DPP8: variants seen among roughly 807,000 people sequenced by gnomAD.
The protein encoded by DPP8 is dipeptidyl peptidase 8.
In DPP8, 31 loss-of-function variants were observed where a neutral mutation model predicts 107.5. The observed-to-expected ratio is 0.29, with a 90% CI of 0.22 to 0.39. The LOEUF is 0.39. DPP8 is among the 10% of genes least tolerant of loss of function. The pLI is 1.00. For missense variants in DPP8, 842 were observed against 1,076.1 expected (o/e 0.78, Z 3.04); for synonymous variants, 381 against 356.6 (o/e 1.07, Z -0.77).
rs539977348 is a variant in DPP8 at position 65,509,371 on chromosome 15, C to T, written c.260-2016G>A. ...CCACAATCATTTCAGTTGCCCCTCCCTATATGCTCCTAGTTCCATAATGTC... is the reference window on the plus strand; with the variant it reads ...CCACAATCATTTCAGTTGCCCCTCCTTATATGCTCCTAGTTCCATAATGTC... On this transcript the variant is annotated intron_variant, in intron 2 of 19. Transcript: ENST00000300141. 2.0e-5 allele frequency among the ~76,000 whole-genome samples: 3 copies of T among 152,308 alleles called. No individual in the cohort carries two copies. In the East Asian group the frequency reaches 5.8e-4, roughly 29 times the overall value.
chr15:65,491,841 T>C (rs2068063666), intron 5 of DPP8, among the ~76,000 whole-genome samples: 2 of 152,140 alleles, frequency 1.3e-5, no homozygotes, highest in African/African-American at 4.8e-5. Context: ...CACGCCATTC[T>C]CCTGCCTCAG....
intron 19 of DPP8, among the ~76,000 whole-genome samples, chr15:65,447,270 C>A (rs2063547234): frequency 6.6e-6 from 1 of 152,144 alleles, no homozygotes; most frequent in South Asian, 2.1e-4. Context: ...GTCTCTGAAA[C>A]CTTTTCAAGG....
At chr15:65,505,438 A>C (rs2069842744) in intron 3 of DPP8, among the ~76,000 whole-genome samples, 1 of 152,162 alleles carries the variant, frequency 6.6e-6, no homozygotes, top group South Asian at 2.1e-4. Flanking sequence ...ACTGATGCCT[A>C]AGATTTAATC....
intron 8 of DPP8, among the ~76,000 whole-genome samples, chr15:65,482,753 C>T (rs1179954145): frequency 6.6e-6 from 1 of 152,072 alleles, no homozygotes; most frequent in South Asian, 2.1e-4. Context: ...TTCCCAACAT[C>T]GTTAGCCATC....
intron 17 of DPP8, 126 bp downstream of exon 17, chr15:65,454,137 A>AAG: frequency 6.2e-6 from 1 of 162,056 alleles, no homozygotes; most frequent in South Asian, 2.0e-4. Context: ...ACTTCGTCTC[A>AAG]AAAAAAAAAA....
At chr15:65,461,833 T>A (rs1289415031) in intron 15 of DPP8, among the ~76,000 whole-genome samples, 1 of 151,942 alleles carries the variant, frequency 6.6e-6, no homozygotes, top group Non-Finnish European at 1.5e-5. Context: ...ACCTCTGACC[T>A]CATGATCCGC....
At chr15:65,467,939 T>A (rs951221809) in intron 12 of DPP8, among the ~76,000 whole-genome samples, 1 of 152,202 alleles carries the variant, frequency 6.6e-6, no homozygotes, top group Non-Finnish European at 1.5e-5. Context: ...AGGCAGTACT[T>A]TTTTGGTCTT....
chr15:65,498,971 T>C (rs1399829680), intron 4 of DPP8, among the ~76,000 whole-genome samples: 3 of 151,582 alleles, frequency 2.0e-5, no homozygotes, highest in African/African-American at 4.8e-5. Flanking sequence ...GGTGGGAGGA[T>C]TGCTTGAGCC....
chr15:65,449,689 C>T (rs541177805), intron 19 of DPP8, among the ~76,000 whole-genome samples: 3 of 152,164 alleles, frequency 2.0e-5, no homozygotes, highest in East Asian at 1.9e-4. Context: ...GGATTACAGG[C>T]GTGAGCCACT....
intron 15 of DPP8, 58 bp from the exon 16 acceptor site, chr15:65,456,429 G>A (rs1039319690): frequency 7.9e-6 from 12 of 1,514,334 alleles, no homozygotes; most frequent in Admixed American, 4.3e-5. Context: ...ACCCAAGAGC[G>A]GCTGGGCATT....
chr15:65,454,505 A>G, intron 16 of DPP8, 90 bp from the exon 17 acceptor site: 1 of 1,165,906 alleles, frequency 8.6e-7, no homozygotes, highest in South Asian at 1.5e-5. Context: ...TTTACTAAAA[A>G]TACCTGTAGG....
At position 65,487,689 on chromosome 15, in the gene DPP8, C is replaced by T; in HGVS notation, c.955+1G>A. 1 of 1,605,526 alleles carries T rather than the reference C, an allele frequency of 6.2e-7. No individual in the cohort carries two copies. Among genetic ancestry groups the T allele is most frequent in the Non-Finnish European group, 8.5e-7 (1 of 1,176,896 alleles). On this transcript the variant is annotated splice_donor_variant, in intron 7 of 19. Transcript: ENST00000300141. LOFTEE classifies it high-confidence loss of function. ...ATATAAATGCCAATGGAGTACAGTA[C>T]CTGTTTTAGGATAACGGAATGAATC...
At chr15:65,484,595 C>T (rs1200021865) in intron 8 of DPP8, among the ~76,000 whole-genome samples, 5 of 149,184 alleles carry the variant, frequency 3.4e-5, no homozygotes, top group African/African-American at 1.2e-4. Context: ...TCTCTCTCTG[C>T]AGGAGAGAAA....
chr15:65,468,367 T>C lies in DPP8; in HGVS notation c.1537-1144A>G, dbSNP rs1298082437. Among the ~76,000 whole-genome samples, 4 of 152,144 alleles carry C rather than the reference T, an allele frequency of 2.6e-5. No homozygotes were observed. In the East Asian group the frequency reaches 5.8e-4, roughly 22 times the overall value. On this transcript the variant is annotated intron_variant, in intron 12 of 19. Coordinates refer to ENST00000300141, the MANE Select transcript of DPP8 (RefSeq NM_130434.5). The stretch of plus-strand genomic sequence containing the variant: ...AAAATTAGCTGGGCATGGTGATGCA[T>C]CCCTGTAGTCCCAGCTACTTGGAAG...
chr15:65,455,532 C>T (rs548465716), intron 16 of DPP8: 39 of 429,824 alleles, frequency 9.1e-5, no homozygotes, highest in Middle Eastern at 9.4e-4. Flanking sequence ...AGGAACTGAA[C>T]ATACTACTTC....
intron 2 of DPP8, among the ~76,000 whole-genome samples, chr15:65,510,898 T>A (rs2070689741): frequency 6.6e-6 from 1 of 151,876 alleles, no homozygotes; most frequent in African/African-American, 2.4e-5. Flanking sequence ...AGAAATAAAA[T>A]AAAAACAATG....
In DPP8 at chr15:65,446,268, T is replaced by C. The variant is rs1305218981; in HGVS notation, c.*616A>G. 1 of 152,202 alleles carries C rather than the reference T, an allele frequency of 6.6e-6. No individual in the cohort carries two copies. The highest frequency in any genetic ancestry group is 1.5e-5 in the Non-Finnish European group (1 of 68,000). 9.4% of individuals were successfully genotyped at this position (152,202 alleles called of 1,614,324 possible). A position where few individuals can be genotyped will look rare whatever the true frequency, so the allele number is the denominator to read the frequency against. On this transcript the variant is annotated 3_prime_UTR_variant, in exon 20 of 20. Coordinates refer to ENST00000300141, the MANE Select transcript of DPP8 (RefSeq NM_130434.5). ...GAGAATTATTTATACTAGATACAGA[T>C]TAAATTGGCTAAAAACTGGTCAGTG...
intron 15 of DPP8, chr15:65,458,652 T>C (rs1289917914): frequency 1.3e-5 from 2 of 152,204 alleles, no homozygotes; most frequent in African/African-American, 4.8e-5. Context: ...ATCTGCTGCT[T>C]TTCTTGTATT....
chr15:65,470,916 T>A (rs1397483181), intron 12 of DPP8, among the ~76,000 whole-genome samples: 3 of 119,194 alleles, frequency 2.5e-5, no homozygotes, highest in African/African-American at 8.7e-5. Context: ...GAGACTCTTA[T>A]CTCAAAAAAA....
Sources: allele counts gnomAD v4.1 joint callset (sites outside exome capture counted in the v4.1 genomes callset), GRCh38; gene constraint gnomAD v4.1.1; transcripts MANE v1.5; gene names NCBI Gene and HGNC (gene_info 2026-07-23, HGNC 2026-07-21).